The following TMTC2 variants were observed in gnomAD, a reference collection of about 807,000 sequenced individuals.
The protein encoded by TMTC2 is transmembrane O-mannosyltransferase targeting cadherins 2.
A neutral mutation model predicts 82.4 loss-of-function variants in TMTC2; 43 were observed. The observed-to-expected ratio is 0.52, with a 90% CI of 0.41 to 0.67. The LOEUF (loss-of-function observed/expected upper bound fraction) is 0.67. Among genes scored for constraint, TMTC2 ranks in the 30% least tolerant of loss-of-function variants. The pLI is 0.00. For synonymous variants in TMTC2, 408 were observed against 381.9 expected (o/e 1.07, Z -0.80); for missense variants, 919 against 1,012.4 (o/e 0.91, Z 1.25).
intron 1 of TMTC2, among the ~76,000 whole-genome samples, chr12:82,832,601 C>T (rs77481442): frequency 6.6e-6 from 1 of 152,068 alleles, no homozygotes; most frequent in African/African-American, 2.4e-5. Flanking sequence ...CTTTGCAAAG[C>T]AGTGGTGACG....
intron 8 of TMTC2, among the ~76,000 whole-genome samples, chr12:83,006,779 A>C (rs949893956): frequency 5.9e-5 from 9 of 152,232 alleles, no homozygotes; most frequent in Non-Finnish European, 1.0e-4. Flanking sequence ...AGCCATAAAA[A>C]GATGAGTTCA....
At chr12:83,030,909 C>G (rs747690926) in intron 9 of TMTC2, 30 bp downstream of exon 9, 1 of 1,500,740 alleles carries the variant, frequency 6.7e-7, no homozygotes. Flanking sequence ...TTTTCCATGT[C>G]CCCCACATTT....
At chr12:83,054,788 T>C (rs772437839) in intron 10 of TMTC2, among the ~76,000 whole-genome samples, 6 of 151,874 alleles carry the variant, frequency 4.0e-5, no homozygotes, top group Non-Finnish European at 7.4e-5. Flanking sequence ...AGATAAAGAA[T>C]TATCCAGAGA....
chr12:82,707,294 C>T lies in TMTC2; in HGVS notation c.83+19625C>T, dbSNP rs568630604. On this transcript the variant is annotated intron_variant, in intron 1 of 11. Transcript: ENST00000321196. ...GCCTGTTTTCAAAAGGCATGAATCCCTATAATGAGGATTTCATTCAGATGA... is the reference window on the plus strand; with the variant it reads ...GCCTGTTTTCAAAAGGCATGAATCCTTATAATGAGGATTTCATTCAGATGA... Among the ~76,000 whole-genome samples, 7 of 152,266 alleles carry T rather than the reference C, an allele frequency of 4.6e-5. No homozygotes were observed. The South Asian group carries it at 1.2e-3, about 27-fold the overall frequency.
chr12:83,012,607 A>C (rs567066496), intron 8 of TMTC2, among the ~76,000 whole-genome samples: 41 of 152,304 alleles, frequency 2.7e-4, no homozygotes, highest in Admixed American at 7.8e-4. Flanking sequence ...GAATATAGGC[A>C]TGAAAAAACA....
At chr12:82,835,724 T>C (rs1412545819) in intron 1 of TMTC2, among the ~76,000 whole-genome samples, 1 of 152,208 alleles carries the variant, frequency 6.6e-6, no homozygotes, top group Non-Finnish European at 1.5e-5. Flanking sequence ...TGGAGTTCTA[T>C]TGGAGACACA....
At chr12:82,731,627 A>G (rs986951118) in intron 1 of TMTC2, among the ~76,000 whole-genome samples, 1 of 152,234 alleles carries the variant, frequency 6.6e-6, no homozygotes, top group Non-Finnish European at 1.5e-5. Flanking sequence ...TTAGACTATT[A>G]CTATAAATAA....
chr12:83,015,398 C>T (rs1255052677), intron 8 of TMTC2, among the ~76,000 whole-genome samples: 1 of 152,176 alleles, frequency 6.6e-6, no homozygotes, highest in Non-Finnish European at 1.5e-5. Flanking sequence ...AGTGTCTGTT[C>T]AGTCCTTCTT....
Position 83,028,427 on chromosome 12 carries a change from A to T in TMTC2, c.2071-2371A>T, listed in dbSNP as rs146406252. Among the ~76,000 whole-genome samples, 6 of 152,276 alleles carry T rather than the reference A, an allele frequency of 3.9e-5. No homozygotes were observed. In the East Asian group the frequency reaches 1.2e-3, roughly 29 times the overall value. On this transcript the variant is annotated intron_variant, in intron 8 of 11. Coordinates refer to ENST00000321196, the MANE Select transcript of TMTC2 (RefSeq NM_152588.3). ...CTCACCTTCCCACAACCCCAGATAC[A>T]CAGTTTCCCCTATTATGATCAACTT...
intron 8 of TMTC2, among the ~76,000 whole-genome samples, chr12:82,997,364 A>ATGTG (rs1281409243): frequency 0.057 from 1,661 of 28,968 alleles, 117 homozygotes; most frequent in African/African-American, 0.13. Context: ...ATATATATAT[A>ATGTG]TGTGTATATA....
At chr12:82,981,541 C>T (rs754084179) in intron 7 of TMTC2, among the ~76,000 whole-genome samples, 32 of 151,892 alleles carry the variant, frequency 2.1e-4, no homozygotes, top group South Asian at 4.1e-4. Flanking sequence ...ATTCTATCAT[C>T]GCACAGCAAA....
intron 4 of TMTC2, among the ~76,000 whole-genome samples, chr12:82,963,129 G>A (rs918003740): frequency 6.6e-6 from 1 of 151,966 alleles, no homozygotes; most frequent in East Asian, 1.9e-4. Flanking sequence ...TGGGATTGGG[G>A]CATTGGTCAT....
At chr12:82,871,627 G>A (rs1211109976) in intron 2 of TMTC2, among the ~76,000 whole-genome samples, 3 of 151,656 alleles carry the variant, frequency 2.0e-5, no homozygotes, top group Non-Finnish European at 4.4e-5. Flanking sequence ...AGCCTGGTTA[G>A]GGAAGAGTCA....
intron 2 of TMTC2, among the ~76,000 whole-genome samples, chr12:82,870,069 G>A (rs1269639220): frequency 6.6e-6 from 1 of 152,082 alleles, no homozygotes; most frequent in African/African-American, 2.4e-5. Context: ...CTGGAGACTA[G>A]TATTGGAATT....
intron 3 of TMTC2, among the ~76,000 whole-genome samples, chr12:82,907,583 C>T (rs768869024): frequency 2.0e-5 from 3 of 152,054 alleles, no homozygotes; most frequent in Non-Finnish European, 4.4e-5. Flanking sequence ...CCACAACAGA[C>T]TCAGTGCAAG....
At chr12:83,079,342 A>G (rs1163223287) in intron 11 of TMTC2, among the ~76,000 whole-genome samples, 1 of 152,132 alleles carries the variant, frequency 6.6e-6, no homozygotes, top group Non-Finnish European at 1.5e-5. Context: ...AAAACTCACT[A>G]AAACAAACCT....
chr12:82,931,094 G>A (rs1212138053), intron 4 of TMTC2, among the ~76,000 whole-genome samples: 1 of 151,984 alleles, frequency 6.6e-6, no homozygotes, highest in African/African-American at 2.4e-5. Context: ...TTTTTTTGTA[G>A]AGATGTGGAC....
At chr12:82,974,944 G>A (rs1180773728) in intron 7 of TMTC2, among the ~76,000 whole-genome samples, 1 of 152,112 alleles carries the variant, frequency 6.6e-6, no homozygotes, top group African/African-American at 2.4e-5. Context: ...GGGAGAGAGA[G>A]AGAGTGACCT....
In TMTC2 at chr12:83,061,980, T is replaced by C. The variant is rs1233202824; in HGVS notation, c.2331+149T>C. 5.1e-6 allele frequency: 3 copies of C among 590,636 alleles called. No homozygotes were observed. In the Admixed American group the frequency reaches 9.7e-5, roughly 19 times the overall value. 36.6% of individuals were successfully genotyped at this position (590,636 alleles called of 1,614,324 possible). A position where few individuals can be genotyped will look rare whatever the true frequency, so the allele number is the denominator to read the frequency against. On this transcript the variant is annotated intron_variant, in intron 11 of 11. Transcript: ENST00000321196. Reference sequence around the variant, plus strand: ...CCCTTTCTCTCTCTGAGCTCTTATTTTGAATACCTACTAAACAGCTAATTC... The same window carrying C: ...CCCTTTCTCTCTCTGAGCTCTTATTCTGAATACCTACTAAACAGCTAATTC...
Sources: allele counts gnomAD v4.1 joint callset (sites outside exome capture counted in the v4.1 genomes callset), GRCh38; gene constraint gnomAD v4.1.1; transcripts MANE v1.5; gene names NCBI Gene and HGNC (gene_info 2026-07-23, HGNC 2026-07-21).